GPSM1: variants seen among roughly 807,000 people sequenced by gnomAD.
GPSM1 encodes the protein G protein-signaling modulator 1.
Under a neutral mutation model 70.5 loss-of-function variants are expected in GPSM1, and 48 were observed. The ratio of observed to expected loss-of-function variants is 0.68; its 90% CI spans 0.54 to 0.87. GPSM1 has a LOEUF of 0.87. GPSM1 is among the 40% of genes least tolerant of loss of function. The probability of loss-of-function intolerance (pLI) is 0.00; values close to 1 mark genes in which losing one functional copy is unlikely to be tolerated. For synonymous variants in GPSM1, 416 were observed against 430.1 expected (o/e 0.97, Z 0.41); for missense variants, 981 against 972.6 (o/e 1.01, Z -0.11).
At chr9:136,356,733 T>C (rs1378873270) in intron 13 of GPSM1, among the ~76,000 whole-genome samples, 183 bp downstream of exon 13, 3 of 152,136 alleles carry the variant, frequency 2.0e-5, no homozygotes, top group Non-Finnish European at 4.4e-5. Flanking sequence ...CCTGAAGCCC[T>C]ACTCCTGGGA....
At position 136,334,553 on chromosome 9, in the gene GPSM1, A is replaced by G. The variant is rs1832182049; in HGVS notation, c.175A>G (p.Thr59Ala). 6.2e-7 allele frequency: 1 copy of G among 1,613,308 alleles called. No homozygotes were observed. ...CTTTGAGGCTGCTGTGCAGGTGGGCACCGAGGACCTGAAGACACTGAGTGC... is the reference window on the plus strand; with the variant it reads ...CTTTGAGGCTGCTGTGCAGGTGGGCGCCGAGGACCTGAAGACACTGAGTGC... The part of the protein sequence containing the change: ...AFFEAAVQVG[T>A]EDLKTLSAIY... The change falls in exon 2 of 14, where the codon ACC (threonine) becomes GCC (alanine). Residue 59 changes from threonine to alanine, a missense_variant. By Grantham distance (58) the Thr-to-Ala change is moderately conservative. Coordinates refer to ENST00000440944, the MANE Select transcript of GPSM1 (RefSeq NM_001145638.3).
intron 7 of GPSM1, 67 bp downstream of exon 7, chr9:136,338,777 C>A (rs957234787): frequency 6.9e-6 from 10 of 1,455,252 alleles, no homozygotes; most frequent in Middle Eastern, 2.4e-4. Flanking sequence ...GCGGCCCAGG[C>A]GAGGTGGCCT....
rs73565150 is a variant in GPSM1, at chr9:136,354,476, C to T, written c.1456-1214C>T. ...GGAGGTGCCATCTCCACCAACATTGCGTCTCTTGTTAACTCGTTCAGCTGT... is the reference window on the plus strand; with the variant it reads ...GGAGGTGCCATCTCCACCAACATTGTGTCTCTTGTTAACTCGTTCAGCTGT... On this transcript the variant is annotated intron_variant, in intron 11 of 13. Coordinates refer to ENST00000440944, the MANE Select transcript of GPSM1 (RefSeq NM_001145638.3). Among the ~76,000 whole-genome samples the T allele has an allele frequency of 6.3e-3, 967 of 152,358 alleles. 8 individuals are homozygous for T. The highest frequency in any genetic ancestry group is 0.021 in the African/African-American group (864 of 41,576).
chr9:136,339,577 C>G, intron 7 of GPSM1, 130 bp from the exon 8 acceptor site: 1 of 640,072 alleles, frequency 1.6e-6, no homozygotes, highest in Non-Finnish European at 2.8e-6. Context: ...GCCAATGCCC[C>G]TTGGGCCTGG....
In GPSM1 at chr9:136,351,727, G is replaced by A. The variant is rs532404908; in HGVS notation, c.1455+1964G>A. 1.2e-4 allele frequency among the ~76,000 whole-genome samples: 18 copies of A among 152,350 alleles called. No individual in the cohort carries two copies. In the South Asian group the frequency reaches 3.1e-3, roughly 26 times the overall value. On this transcript the variant is annotated intron_variant, in intron 11 of 13. Coordinates refer to ENST00000440944, the MANE Select transcript of GPSM1 (RefSeq NM_001145638.3). ...TGCTCCCCTGGCCCCTGCAACCACC[G>A]CGGGGCAGGACGCCTGGGACAGCCA... is the stretch of plus-strand genomic sequence containing the variant.
At chr9:136,336,317 C>T (rs1014220604) in intron 3 of GPSM1, among the ~76,000 whole-genome samples, 3 of 152,122 alleles carry the variant, frequency 2.0e-5, no homozygotes, top group African/African-American at 7.2e-5. Context: ...CAGGCCCCCA[C>T]CTTCCACCCT....
rs781952847 is a variant in GPSM1, at chr9:136,356,559, C to T, written c.1821+9C>T. 1.7e-5 allele frequency: 27 copies of T among 1,592,268 alleles called. No individual in the cohort carries two copies. Among genetic ancestry groups the T allele is most frequent in the South Asian group, 1.2e-4 (11 of 90,178 alleles). ...TGCTCATCAAGTACCAGGTGGGCTG[C>T]GGCCCTGGGCGGGCGTGGCTCGCGG... is the stretch of plus-strand genomic sequence containing the variant. On this transcript the variant is annotated intron_variant, in intron 13 of 13. Transcript: ENST00000440944.
In GPSM1 at chr9:136,348,736, C is replaced by A; in HGVS notation, c.1247C>A (p.Thr416Asn). Residue 416 changes from threonine to asparagine, a missense_variant, in exon 10 of 14, where the codon ACC (threonine) becomes AAC (asparagine). Transcript: ENST00000440944. ...AGGACGCAGAGGCTGAGCGCGGAGA[C>A]CTGGGACCTGCTGAGACTCCCCCTG... ...PKRTQRLSAE[T>N]WDLLRLPLER... 1 of 1,612,342 alleles carries A rather than the reference C, an allele frequency of 6.2e-7. No individual in the cohort carries two copies.
chr9:136,354,562 G>A (rs562059840), intron 11 of GPSM1, among the ~76,000 whole-genome samples: 135 of 152,374 alleles, frequency 8.9e-4, no homozygotes, highest in Non-Finnish European at 1.5e-3. Flanking sequence ...GGCTGGGGCC[G>A]GGCAGGGGCT....
intron 1 of GPSM1, among the ~76,000 whole-genome samples, chr9:136,332,332 A>G (rs1832120559): frequency 3.3e-5 from 5 of 152,210 alleles, no homozygotes; most frequent in Admixed American, 3.3e-4. Context: ...ACAGAGGCCC[A>G]TCCGTGCACC....
rs1443422681 is a variant in GPSM1, at chr9:136,359,063, C to T, written c.*843C>T. On this transcript the variant is annotated 3_prime_UTR_variant, in exon 14 of 14. Coordinates refer to ENST00000440944, the MANE Select transcript of GPSM1 (RefSeq NM_001145638.3). ...GTCAGTGGAAGCTGGGGAGGCTTCA[C>T]TCAGCTCAACCCTGCAGACCCCCCA... 2 of 152,418 alleles carry T rather than the reference C, an allele frequency of 1.3e-5. No homozygotes were observed. The highest frequency in any genetic ancestry group is 1.3e-4 in the Admixed American group (2 of 15,290). 9.4% of individuals were successfully genotyped at this position (152,418 alleles called of 1,614,324 possible).
chr9:136,332,986 G>A (rs1554768695), intron 1 of GPSM1, among the ~76,000 whole-genome samples: 2 of 152,172 alleles, frequency 1.3e-5, no homozygotes, highest in African/African-American at 4.8e-5. Flanking sequence ...TCCAGCCTGG[G>A]CAACAGAGCA....
chr9:136,336,980 A>G lies in GPSM1; in HGVS notation c.486A>G (p.Gln162=). ...ACGTGTACCACGCCAAAGGCAAGCAACTGTCCTGGAACGCCGCAAACGCCA... is the reference window on the plus strand; with the variant it reads ...ACGTGTACCACGCCAAAGGCAAGCAGCTGTCCTGGAACGCCGCAAACGCCA... ...IGNVYHAKGK[Q]LSWNAANATQ... The change falls in exon 4 of 14, where the codon CAA becomes CAG. Residue 162 remains glutamine (Q), a synonymous_variant. Transcript: ENST00000440944. 3 of 1,555,932 alleles carry G rather than the reference A, an allele frequency of 1.9e-6. No individual in the cohort carries two copies. The highest frequency in any genetic ancestry group is 2.6e-6 in the Non-Finnish European group (3 of 1,150,246).
chr9:136,339,880 C>T lies in GPSM1; in HGVS notation c.1083+65C>T, dbSNP rs1588695876. Reference sequence around the variant, plus strand: ...AGCCCACTCCAGACGGGCCGGGTCCCCTCTGCCCCGAGCGAGCGTGTGCGT... The same window carrying T: ...AGCCCACTCCAGACGGGCCGGGTCCTCTCTGCCCCGAGCGAGCGTGTGCGT... On this transcript the variant is annotated intron_variant, in intron 8 of 13. Coordinates refer to ENST00000440944, the MANE Select transcript of GPSM1 (RefSeq NM_001145638.3). 1.7e-5 allele frequency: 18 copies of T among 1,036,862 alleles called. No individual in the cohort carries two copies. In the East Asian group the frequency reaches 4.7e-4, roughly 27 times the overall value. The allele number at this position is 1,036,862 out of a possible 1,614,324, so 64.2% of individuals were successfully genotyped here. A position where few individuals can be genotyped will look rare whatever the true frequency, so the allele number is the denominator to read the frequency against.
intron 1 of GPSM1, among the ~76,000 whole-genome samples, chr9:136,333,713 G>C (rs1483214044): frequency 6.6e-6 from 1 of 152,192 alleles, no homozygotes; most frequent in African/African-American, 2.4e-5. Context: ...AGCAGCGCTG[G>C]GGGTGGCGGG....
At chr9:136,348,674 T>C (rs1832583816) in intron 9 of GPSM1, 23 bp from the exon 10 acceptor site, 2 of 1,596,778 alleles carry the variant, frequency 1.3e-6, no homozygotes, top group African/African-American at 1.3e-5. Context: ...GGTGCTGGGC[T>C]GACCGGGTCC....
At chr9:136,350,401 G>A (rs1832631564) in intron 11 of GPSM1, among the ~76,000 whole-genome samples, 1 of 152,196 alleles carries the variant, frequency 6.6e-6, no homozygotes, top group Non-Finnish European at 1.5e-5. Flanking sequence ...TGAGCAGAGG[G>A]GCCTGAGGGG....
At chr9:136,336,380 GTCAC>G (rs1220399641) in intron 3 of GPSM1, among the ~76,000 whole-genome samples, 3 of 152,084 alleles carry the variant, frequency 2.0e-5, no homozygotes, top group Non-Finnish European at 4.4e-5. Context: ...CACACCCCCA[GTCAC>G]TCACTCCCTG....
chr9:136,353,847 G>A (rs1179666111), intron 11 of GPSM1, among the ~76,000 whole-genome samples: 1 of 152,164 alleles, frequency 6.6e-6, no homozygotes, highest in African/African-American at 2.4e-5. Context: ...TCCTGGGGAG[G>A]TACCTGTGTG....
Sources: gnomAD v4.1 joint callset for allele counts (sites outside exome capture counted in the v4.1 genomes callset) on GRCh38, gnomAD v4.1.1 for gene constraint, MANE v1.5 for transcripts, NCBI Gene and HGNC (gene_info 2026-07-23, HGNC 2026-07-21) for gene names.